The following NTN4 variants were observed in gnomAD, a reference collection of about 807,000 sequenced individuals.
The protein encoded by NTN4 is netrin 4.
A neutral mutation model predicts 73.6 loss-of-function variants in NTN4; 32 were observed. The ratio of observed to expected loss-of-function variants is 0.44; its 90% CI spans 0.33 to 0.58. The LOEUF is 0.58. NTN4 is among the 20% of genes least tolerant of loss of function. The pLI is 0.04. For missense variants in NTN4, 654 were observed against 798.3 expected (o/e 0.82, Z 2.18); for synonymous variants, 258 against 287.5 (o/e 0.90, Z 1.04).
chr12:95,710,959 G>A (rs2078560874), intron 4 of NTN4, among the ~76,000 whole-genome samples: 2 of 152,158 alleles, frequency 1.3e-5, no homozygotes, highest in Non-Finnish European at 2.9e-5. Context: ...AGCTGAGATT[G>A]CGCCACTGCA....
At chr12:95,730,099 A>C (rs1208627437) in intron 3 of NTN4, among the ~76,000 whole-genome samples, 1 of 152,194 alleles carries the variant, frequency 6.6e-6, no homozygotes, top group African/African-American at 2.4e-5. Context: ...AGTAAGAAAA[A>C]AGTCAAATAT....
At chr12:95,755,913 C>A (rs1217896905) in intron 2 of NTN4, among the ~76,000 whole-genome samples, 2 of 152,204 alleles carry the variant, frequency 1.3e-5, no homozygotes, top group Non-Finnish European at 2.9e-5. Flanking sequence ...TTTAAAAATT[C>A]TTCAATACAT....
At chr12:95,734,166 T>C (rs1323832242) in intron 3 of NTN4, among the ~76,000 whole-genome samples, 3 of 151,570 alleles carry the variant, frequency 2.0e-5, no homozygotes, top group Non-Finnish European at 4.4e-5. Context: ...AGAAATAGGG[T>C]GCCATTTCCA....
At chr12:95,726,091 T>C (rs900598080) in intron 3 of NTN4, among the ~76,000 whole-genome samples, 3 of 152,168 alleles carry the variant, frequency 2.0e-5, no homozygotes, top group Non-Finnish European at 4.4e-5. Context: ...TTTTAAGCTA[T>C]TGATTTTTTT....
chr12:95,785,562 C>T (rs1592722137), intron 2 of NTN4, among the ~76,000 whole-genome samples: 2 of 152,188 alleles, frequency 1.3e-5, no homozygotes, highest in Admixed American at 1.3e-4. Flanking sequence ...CTTCAAGGTG[C>T]ACACAGAAGA....
chr12:95,747,513 A>G (rs1406070039), intron 2 of NTN4, among the ~76,000 whole-genome samples: 1 of 152,138 alleles, frequency 6.6e-6, no homozygotes, highest in Non-Finnish European at 1.5e-5. Flanking sequence ...TATGTTGCCC[A>G]GGTTGGTCTC....
chr12:95,783,058 G>A (rs553759899), intron 2 of NTN4, among the ~76,000 whole-genome samples: 3 of 152,144 alleles, frequency 2.0e-5, no homozygotes, highest in Non-Finnish European at 4.4e-5. Flanking sequence ...TTAGCCTCAA[G>A]GTTATTATTA....
At chr12:95,741,855 C>G (rs1406178645) in intron 2 of NTN4, among the ~76,000 whole-genome samples, 2 of 151,928 alleles carry the variant, frequency 1.3e-5, no homozygotes, top group Non-Finnish European at 2.9e-5. Context: ...GTAAGTGAAA[C>G]TGCACATAAG....
At chr12:95,750,324 A>G (rs1182573317) in intron 2 of NTN4, among the ~76,000 whole-genome samples, 2 of 151,506 alleles carry the variant, frequency 1.3e-5, no homozygotes. Context: ...TCTTTTCTCT[A>G]GGCTTGCTTC....
At position 95,690,834 on chromosome 12, in the gene NTN4, G is replaced by A. The variant is rs575896619; in HGVS notation, c.1181-7123C>T. On this transcript the variant is annotated intron_variant, in intron 5 of 9. Transcript: ENST00000343702. The stretch of plus-strand genomic sequence containing the variant: ...AAGATATTATAAGAACCCCTTCTAT[G>A]GTAATATATGGTAGTCCACCACTCC... Among the ~76,000 whole-genome samples, 16 of 152,182 alleles carry A rather than the reference G, an allele frequency of 1.1e-4. No homozygotes were observed. The East Asian group carries it at 3.1e-3, about 29-fold the overall frequency.
chr12:95,659,550 G>A (rs2078119690), intron 9 of NTN4, among the ~76,000 whole-genome samples: 1 of 152,060 alleles, frequency 6.6e-6, no homozygotes, highest in African/African-American at 2.4e-5. Flanking sequence ...TGCCCACCTC[G>A]GCCTCCCAAA....
chr12:95,713,382 AAAG>A (rs1448748001), intron 3 of NTN4, 44 bp from the exon 4 acceptor site: 9 of 1,514,526 alleles, frequency 5.9e-6, no homozygotes, highest in Admixed American at 3.7e-5. Context: ...ACATGTCGCC[AAAG>A]AAGAACAGAA....
chr12:95,779,219 A>G (rs2079115550), intron 2 of NTN4, among the ~76,000 whole-genome samples: 1 of 152,134 alleles, frequency 6.6e-6, no homozygotes, highest in South Asian at 2.1e-4. Context: ...ATGGGCAAAA[A>G]CTGGAAGCAT....
intron 3 of NTN4, among the ~76,000 whole-genome samples, chr12:95,725,587 G>C (rs1228244928): frequency 6.6e-6 from 1 of 152,080 alleles, no homozygotes; most frequent in Non-Finnish European, 1.5e-5. Context: ...TTGTCACTCA[G>C]TATTCTATAC....
chr12:95,702,488 T>A (rs972568099), intron 5 of NTN4, among the ~76,000 whole-genome samples: 12 of 152,152 alleles, frequency 7.9e-5, no homozygotes, highest in African/African-American at 2.7e-4. Flanking sequence ...ACTTTCCTCT[T>A]GTAAAATGGG....
intron 7 of NTN4, among the ~76,000 whole-genome samples, chr12:95,681,767 C>T (rs2078317820): frequency 2.0e-5 from 3 of 152,124 alleles, no homozygotes; most frequent in Non-Finnish European, 4.4e-5. Context: ...AAGAGGAGCC[C>T]ATATTGAGTA....
intron 2 of NTN4, among the ~76,000 whole-genome samples, chr12:95,751,578 G>A (rs2078907673): frequency 6.6e-6 from 1 of 152,018 alleles, no homozygotes; most frequent in Admixed American, 6.5e-5. Flanking sequence ...GCCACTCCCA[G>A]AGCCCCTGGA....
chr12:95,738,076 C>A lies in NTN4; in HGVS notation c.654G>T (p.Gln218His). 6.2e-7 allele frequency: 1 copy of A among 1,614,128 alleles called. No individual in the cohort carries two copies. The highest frequency in any genetic ancestry group is 8.5e-7 in the Non-Finnish European group (1 of 1,179,980). The part of the protein sequence containing the change: ...ENPYSAKVQE[Q>H]LKITNLRVQL... Reference sequence around the variant, plus strand: ...GCACGCGAAGGTTGGTGATCTTCAGCTGCTCCTGAACTTTGGCACTGTAAG... The same window carrying A: ...GCACGCGAAGGTTGGTGATCTTCAGATGCTCCTGAACTTTGGCACTGTAAG... Residue 218 changes from glutamine to histidine, a missense_variant, in exon 3 of 10, where the codon CAG (glutamine) becomes CAT (histidine). Physicochemically the swap from Gln to His is conservative, Grantham distance 24 (BLOSUM62 0). Coordinates refer to ENST00000343702, the MANE Select transcript of NTN4 (RefSeq NM_021229.4).
intron 1 of NTN4, among the ~76,000 whole-genome samples, chr12:95,787,746 A>G (rs75874198): frequency 0.012 from 1,759 of 152,328 alleles, 32 homozygotes; most frequent in African/African-American, 0.04. Flanking sequence ...CACTTTAGGC[A>G]GAGGGCAAGA....
Sources: gnomAD v4.1 joint callset for allele counts (sites outside exome capture counted in the v4.1 genomes callset) on GRCh38, gnomAD v4.1.1 for gene constraint, MANE v1.5 for transcripts, NCBI Gene and HGNC (gene_info 2026-07-23, HGNC 2026-07-21) for gene names.